KAZN: variants seen among roughly 807,000 people sequenced by gnomAD.
The protein encoded by KAZN is kazrin.
A neutral mutation model predicts 87.4 loss-of-function variants in KAZN; 40 were observed. That is an observed-to-expected ratio of 0.46 (90% CI 0.36 to 0.60). The LOEUF is 0.60. Ranked by LOEUF, KAZN falls within the 20% of genes least tolerant of loss-of-function variation. The probability of loss-of-function intolerance (pLI) is 0.00; values close to 1 mark genes in which losing one functional copy is unlikely to be tolerated. For synonymous variants in KAZN, 466 were observed against 458.3 expected (o/e 1.02, Z -0.22); for missense variants, 898 against 1,073.9 (o/e 0.84, Z 2.29).
chr1:14,223,010 TATAA>T (rs1571062085), intron 2 of KAZN: 2 of 152,228 alleles, frequency 1.3e-5, no homozygotes, highest in East Asian at 3.9e-4. Flanking sequence ...ACTATAAAAA[TATAA>T]AGAGAACTCT....
chr1:14,002,253 C>T (rs1227031798), intron 1 of KAZN, among the ~76,000 whole-genome samples: 3 of 152,172 alleles, frequency 2.0e-5, no homozygotes, highest in Non-Finnish European at 4.4e-5. Context: ...TGAAAAAAAG[C>T]TCAACATCAC....
rs188791544 is a variant in KAZN, at chr1:14,160,298, G to A, written c.92-20137G>A. Among the ~76,000 whole-genome samples, 19 of 152,292 alleles carry A rather than the reference G, an allele frequency of 1.2e-4. No homozygotes were observed. In the East Asian group the frequency reaches 3.7e-3, roughly 29 times the overall value. ...AGGCTGGTTTTAATGTTCCCTCAGT[G>A]GGCAGGCATCAGCTGAGCTTGGCTT... On this transcript the variant is annotated intron_variant, in intron 1 of 16. Transcript: ENST00000636203.
At chr1:14,640,155 T>C (rs1416179548) in intron 1 of KAZN, among the ~76,000 whole-genome samples, 1 of 152,242 alleles carries the variant, frequency 6.6e-6, no homozygotes, top group East Asian at 1.9e-4. Context: ...TACCCCTTTA[T>C]ATTTTAGATA....
rs376854016 is a variant in KAZN, at chr1:14,097,505, T to G, written c.92-82930T>G. On this transcript the variant is annotated intron_variant, in intron 1 of 16. Transcript: ENST00000636203. Reference sequence around the variant, plus strand: ...GCGGAAATGAGAGACACAAGGAAATTTGATTGCTCTGGTTCAAAGGATTTC... The same window carrying G: ...GCGGAAATGAGAGACACAAGGAAATGTGATTGCTCTGGTTCAAAGGATTTC... 3.0e-3 allele frequency among the ~76,000 whole-genome samples: 458 copies of G among 152,264 alleles called. 5 individuals carry two copies. Among genetic ancestry groups the G allele is most frequent in the African/African-American group, 0.01 (422 of 41,536 alleles).
Position 14,669,566 on chromosome 1 carries a change from A to G in KAZN, c.226+70343A>G, listed in dbSNP as rs189136153. Among the ~76,000 whole-genome samples, 267 of 152,300 alleles carry G rather than the reference A, an allele frequency of 1.8e-3. 1 individual carries two copies. The highest frequency in any genetic ancestry group is 5.4e-3 in the African/African-American group (225 of 41,558). On this transcript the variant is annotated intron_variant, in intron 1 of 14. Coordinates refer to ENST00000376030, the MANE Select transcript of KAZN (RefSeq NM_201628.3). ...TGAGAACAGCCTGGGCAACATATCA[A>G]GACCCCATCTCTACACAAAAATGTT...
intron 1 of KAZN, among the ~76,000 whole-genome samples, chr1:14,855,819 G>T (rs922264739): frequency 6.6e-6 from 1 of 152,204 alleles, no homozygotes. Context: ...CACCTCTAAA[G>T]TCTTGCAACC....
chr1:14,453,538 A>G (rs903831253), intron 2 of KAZN, among the ~76,000 whole-genome samples: 3 of 152,206 alleles, frequency 2.0e-5, no homozygotes, highest in Non-Finnish European at 4.4e-5. Flanking sequence ...TGCACGCCAC[A>G]TTCAATAGTC....
At chr1:14,321,313 G>T (rs1339803667) in intron 2 of KAZN, among the ~76,000 whole-genome samples, 5 of 152,142 alleles carry the variant, frequency 3.3e-5, no homozygotes, top group African/African-American at 1.2e-4. Flanking sequence ...TTCGTATCGC[G>T]AATGGCCGAG....
chr1:14,510,808 C>T (rs749381839), intron 2 of KAZN, among the ~76,000 whole-genome samples: 18 of 152,034 alleles, frequency 1.2e-4, no homozygotes, highest in Non-Finnish European at 2.5e-4. Context: ...GCAGGATACA[C>T]GTTGGAGGCA....
In KAZN at chr1:14,883,848, C is replaced by T. The variant is rs370932927; in HGVS notation, c.227-76836C>T. 1.6e-4 allele frequency among the ~76,000 whole-genome samples: 24 copies of T among 152,284 alleles called. 1 individual carries two copies. Among genetic ancestry groups the T allele is most frequent in the Admixed American group, 1.2e-3 (18 of 15,296 alleles). ...GAATCTCTTGTTTTCTTTAAATCAT[C>T]AAACACCCCTTACGGTTTGGGATAG... On this transcript the variant is annotated intron_variant, in intron 1 of 14. Transcript: ENST00000376030.
intron 2 of KAZN, among the ~76,000 whole-genome samples, chr1:14,477,884 C>A (rs1302775278): frequency 6.6e-6 from 1 of 152,174 alleles, no homozygotes; most frequent in Non-Finnish European, 1.5e-5. Context: ...TTACCTCCTC[C>A]TTCTTGCTCC....
At chr1:14,734,901 C>T (rs1259923004) in intron 1 of KAZN, among the ~76,000 whole-genome samples, 1 of 152,218 alleles carries the variant, frequency 6.6e-6, no homozygotes, top group Non-Finnish European at 1.5e-5. Context: ...GTTCCGCCTC[C>T]TTTTACCATG....
At chr1:14,989,953 C>T (rs1036841365) in intron 2 of KAZN, among the ~76,000 whole-genome samples, 2 of 152,138 alleles carry the variant, frequency 1.3e-5, no homozygotes, top group South Asian at 2.1e-4. Context: ...CAGTAGCTGC[C>T]GTGGGCTGGG....
chr1:14,676,657 G>A (rs967389173), intron 1 of KAZN, among the ~76,000 whole-genome samples: 2 of 152,154 alleles, frequency 1.3e-5, no homozygotes, highest in African/African-American at 4.8e-5. Flanking sequence ...CAGCATGGAT[G>A]AACCTTGAAA....
intron 2 of KAZN, among the ~76,000 whole-genome samples, chr1:14,183,394 T>C (rs1036136886): frequency 6.6e-6 from 1 of 152,130 alleles, no homozygotes; most frequent in Non-Finnish European, 1.5e-5. Context: ...CCTAAACGTT[T>C]TGAGCATGGA....
chr1:14,715,326 T>C (rs2100240860), intron 1 of KAZN, among the ~76,000 whole-genome samples: 1 of 152,176 alleles, frequency 6.6e-6, no homozygotes, highest in East Asian at 1.9e-4. Flanking sequence ...AGGGGCCCCA[T>C]CCCAGCCTGA....
intron 1 of KAZN, among the ~76,000 whole-genome samples, chr1:14,775,144 T>C (rs530781069): frequency 1.1e-4 from 16 of 152,318 alleles, no homozygotes; most frequent in South Asian, 2.1e-4. Flanking sequence ...CTCAGCAGCC[T>C]GGGACATTGG....
chr1:14,935,240 T>TTTTC (rs1288525794), intron 1 of KAZN, among the ~76,000 whole-genome samples: 1 of 152,218 alleles, frequency 6.6e-6, no homozygotes, highest in Non-Finnish European at 1.5e-5. Context: ...GTTCTTTCTT[T>TTTTC]TTTCTTTCTT....
intron 2 of KAZN, among the ~76,000 whole-genome samples, chr1:14,583,563 TG>T (rs1675678938): frequency 6.6e-6 from 1 of 152,148 alleles, no homozygotes; most frequent in Admixed American, 6.5e-5. Context: ...GCAAAGGAGC[TG>T]GGATTTTCTA....
Sources: allele counts gnomAD v4.1 joint callset (sites outside exome capture counted in the v4.1 genomes callset), GRCh38; gene constraint gnomAD v4.1.1; transcripts MANE v1.5; gene names NCBI Gene and HGNC (gene_info 2026-07-23, HGNC 2026-07-21).